EPHB1: variants seen among roughly 807,000 people sequenced by gnomAD.
The protein encoded by EPHB1 is ephrin type-B receptor 1.
A neutral mutation model predicts 94.4 loss-of-function variants in EPHB1; 30 were observed. The observed-to-expected ratio is 0.32, with a 90% CI of 0.24 to 0.43. The LOEUF (loss-of-function observed/expected upper bound fraction) is 0.43. EPHB1 is among the 20% of genes least tolerant of loss of function. The pLI is 1.00. For missense variants in EPHB1, 1,055 were observed against 1,308.3 expected, an observed-to-expected ratio of 0.81 and a Z score of 2.99; for synonymous variants, 522 against 489.1, an observed-to-expected ratio of 1.07 and a Z score of -0.89.
chr3:134,844,850 T>C (rs189932498), intron 1 of EPHB1, among the ~76,000 whole-genome samples: 1 of 152,360 alleles, frequency 6.6e-6, no homozygotes, highest in East Asian at 1.9e-4. Context: ...GCCTCCTCCC[T>C]CTGCTCTAGC....
At position 134,850,390 on chromosome 3, in the gene EPHB1, T is replaced by G. The variant is rs565359902; in HGVS notation, c.58+54701T>G. On this transcript the variant is annotated intron_variant, in intron 1 of 15. Coordinates refer to ENST00000398015, the MANE Select transcript of EPHB1 (RefSeq NM_004441.5). ...CTCTGTACTGTGGGATGAGCTAGTCTGCTGGTGCTTCTCCACGCCTGACCT... is the reference window on the plus strand; with the variant it reads ...CTCTGTACTGTGGGATGAGCTAGTCGGCTGGTGCTTCTCCACGCCTGACCT... Among the ~76,000 whole-genome samples, 13 of 152,324 alleles carry G rather than the reference T, an allele frequency of 8.5e-5. No individual in the cohort carries two copies. In the East Asian group the frequency reaches 2.5e-3, roughly 29 times the overall value.
chr3:135,229,403 C>A (rs1371865989), intron 12 of EPHB1, among the ~76,000 whole-genome samples: 2 of 152,172 alleles, frequency 1.3e-5, no homozygotes, highest in African/African-American at 4.8e-5. Flanking sequence ...ATTGCTTAAG[C>A]TATTTAATGT....
chr3:135,212,386 A>G, intron 12 of EPHB1, among the ~76,000 whole-genome samples: 1 of 152,198 alleles, frequency 6.6e-6, no homozygotes, highest in East Asian at 1.9e-4. Context: ...GATTATAAAC[A>G]TGAACGTTAT....
At chr3:134,808,912 G>A (rs1248202600) in intron 1 of EPHB1, among the ~76,000 whole-genome samples, 3 of 152,234 alleles carry the variant, frequency 2.0e-5, no homozygotes, top group Admixed American at 6.5e-5. Flanking sequence ...AACAATGGGC[G>A]AAGAGCCATA....
At chr3:135,185,373 A>G (rs1453848245) in intron 10 of EPHB1, among the ~76,000 whole-genome samples, 1 of 152,212 alleles carries the variant, frequency 6.6e-6, no homozygotes, top group Non-Finnish European at 1.5e-5. Context: ...ATTGAATAGA[A>G]GTTACGGCAA....
intron 3 of EPHB1, among the ~76,000 whole-genome samples, chr3:134,986,744 A>ACC (rs1553718460): frequency 6.6e-6 from 1 of 151,066 alleles, no homozygotes. Flanking sequence ...ACACACACAC[A>ACC]TCCCAAACAA....
chr3:134,860,798 CAAA>C (rs10666494), intron 1 of EPHB1, among the ~76,000 whole-genome samples: 15 of 93,716 alleles, frequency 1.6e-4, no homozygotes, highest in Non-Finnish European at 2.7e-4. Context: ...GGCCAGGTGA[CAAA>C]AAAAAAAAAA....
At chr3:134,913,657 C>T (rs922705578) in intron 1 of EPHB1, among the ~76,000 whole-genome samples, 4 of 152,208 alleles carry the variant, frequency 2.6e-5, no homozygotes, top group African/African-American at 9.6e-5. Context: ...CTGGAGAGCC[C>T]ACTTCCATCA....
chr3:135,183,021 TTTTCTTTTCTTTCTTTCTTTC>T (rs1364712716), intron 10 of EPHB1, among the ~76,000 whole-genome samples: 189 of 73,346 alleles, frequency 2.6e-3, no homozygotes, highest in African/African-American at 5.0e-3. Flanking sequence ...TTTTCTTTTC[TTTTCTTTTCTTTCTTTCTTTC>T]TTTCTTTCTT....
intron 4 of EPHB1, among the ~76,000 whole-genome samples, chr3:135,122,371 G>A (rs1182120301): frequency 6.6e-6 from 1 of 152,150 alleles, no homozygotes; most frequent in Non-Finnish European, 1.5e-5. Flanking sequence ...GGTATGAAAG[G>A]GGTCTTGAAA....
chr3:135,201,605 T>G lies in EPHB1; in HGVS notation c.2262T>G (p.Ser754Arg), dbSNP rs773280811. 1 of 1,613,994 alleles carries G rather than the reference T, an allele frequency of 6.2e-7. No homozygotes were observed. Among genetic ancestry groups the G allele is most frequent in the East Asian group, 2.2e-5 (1 of 44,862 alleles). ...CTGCTAGGAACATTCTGGTCAACAG[T>G]AACCTGGTGTGCAAGGTGTCCGACT... ...DLAARNILVN[S>R]NLVCKVSDFG... is the part of the protein sequence containing the mutation. Residue 754 changes from serine (S) to arginine (R), a missense_variant, in exon 12 of 16, where the codon AGT (serine) becomes AGG (arginine). Coordinates refer to ENST00000398015, the MANE Select transcript of EPHB1 (RefSeq NM_004441.5).
In EPHB1 at chr3:135,066,504, G is replaced by A. The variant is rs547716025; in HGVS notation, c.806-39944G>A. ...AGTTCTACTGCTGAGAGTTTCCAGA[G>A]CATTTTGCATTTCTATAAGTGTGTC... On this transcript the variant is annotated intron_variant, in intron 3 of 15. Transcript: ENST00000398015. 1.6e-4 allele frequency among the ~76,000 whole-genome samples: 25 copies of A among 152,286 alleles called. No homozygotes were observed. In the South Asian group the frequency reaches 5.2e-3, roughly 32 times the overall value.
chr3:135,247,533 A>AAGTT (rs768962022), intron 13 of EPHB1, among the ~76,000 whole-genome samples: 39 of 152,214 alleles, frequency 2.6e-4, no homozygotes, highest in Non-Finnish European at 4.7e-4. Flanking sequence ...AATGCATTTG[A>AAGTT]AGTTAGTTAA....
intron 5 of EPHB1, among the ~76,000 whole-genome samples, chr3:135,152,502 G>C (rs2107694429): frequency 6.6e-6 from 1 of 152,292 alleles, no homozygotes; most frequent in Non-Finnish European, 1.5e-5. Context: ...ATGTATGAAA[G>C]ATTTACTGGG....
intron 3 of EPHB1, among the ~76,000 whole-genome samples, chr3:135,010,558 G>GTTTTTTTTTTTTTTT (rs58579496): frequency 1.8e-5 from 2 of 110,396 alleles, no homozygotes; most frequent in Non-Finnish European, 3.6e-5. Context: ...ATTTTTTTCT[G>GTTTTTTTTTTTTTTT]TTTTTTTTTT....
chr3:135,006,700 A>G (rs1362639885), intron 3 of EPHB1, among the ~76,000 whole-genome samples: 1 of 152,228 alleles, frequency 6.6e-6, no homozygotes, highest in Non-Finnish European at 1.5e-5. Context: ...TGCTGCAGTG[A>G]ACATCCTTGT....
At chr3:134,897,374 A>G (rs566710958) in intron 1 of EPHB1, among the ~76,000 whole-genome samples, 156 of 152,294 alleles carry the variant, frequency 1.0e-3, no homozygotes, top group African/African-American at 3.6e-3. Flanking sequence ...GCTGGTGGGC[A>G]AAGAAAGGGC....
intron 3 of EPHB1, among the ~76,000 whole-genome samples, chr3:135,099,226 C>T (rs1034162112): frequency 5.3e-5 from 8 of 151,994 alleles, no homozygotes; most frequent in Admixed American, 4.6e-4. Flanking sequence ...TTGTGCTAAG[C>T]GCTGGGGAAA....
chr3:134,839,073 A>T (rs958144344), intron 1 of EPHB1, among the ~76,000 whole-genome samples: 1 of 152,240 alleles, frequency 6.6e-6, no homozygotes, highest in African/African-American at 2.4e-5. Context: ...CAAGCGTTTT[A>T]TATATGTTAC....
Sources: gnomAD v4.1 joint callset for allele counts (sites outside exome capture counted in the v4.1 genomes callset) on GRCh38, gnomAD v4.1.1 for gene constraint, MANE v1.5 for transcripts, NCBI Gene and HGNC (gene_info 2026-07-23, HGNC 2026-07-21) for gene names.